The following BRI3BP variants were observed in gnomAD, a reference collection of about 807,000 sequenced individuals.
The protein encoded by BRI3BP is BRI3 binding protein.
BRI3BP carries 7 observed loss-of-function variants against 15.8 expected under a neutral mutation model. That is an observed-to-expected ratio of 0.44 (90% CI 0.25 to 0.83). The LOEUF (loss-of-function observed/expected upper bound fraction) is 0.83, where lower values mean the gene tolerates loss of function less well. Ranked by LOEUF, BRI3BP falls within the 40% of genes least tolerant of loss-of-function variation. The pLI, the probability that BRI3BP is intolerant of heterozygous loss-of-function variation, is 0.20. For missense variants in BRI3BP, 320 were observed against 339.3 expected (o/e 0.94, Z 0.45); for synonymous variants, 192 against 163.5 (o/e 1.17, Z -1.33).
At chr12:125,036,200 G>GCACAC (rs1955439274), downstream of BRI3BP, among the ~76,000 whole-genome samples, 1 of 152,122 alleles carries the variant, frequency 6.6e-6, no homozygotes, top group African/African-American at 2.4e-5. Flanking sequence ...GGGTAGCTGG[G>GCACAC]ATTACAGACA....
the BRI3BP span, among the ~76,000 whole-genome samples, chr12:125,044,444 C>T: frequency 1.4e-4 from 20 of 144,152 alleles, no homozygotes; most frequent in African/African-American, 3.8e-4. Context: ...TCACCATGCC[C>T]GGCCAATTTT....
At chr12:125,038,255 CAAA>C in the BRI3BP span, among the ~76,000 whole-genome samples, 17 of 116,592 alleles carry the variant, frequency 1.5e-4, no homozygotes, top group Admixed American at 3.6e-4. Context: ...CCAGCCATCT[CAAA>C]AAAAAAAAAA....
At chr12:125,017,510 A>G (rs1955258254) in intron 2 of BRI3BP, among the ~76,000 whole-genome samples, 1 of 152,218 alleles carries the variant, frequency 6.6e-6, no homozygotes, top group South Asian at 2.1e-4. Flanking sequence ...AACAACTTAT[A>G]ATTAATAGAA....
the BRI3BP span, among the ~76,000 whole-genome samples, chr12:125,047,695 TTTTA>T: frequency 9.9e-5 from 15 of 151,422 alleles, no homozygotes; most frequent in African/African-American, 3.6e-4. Flanking sequence ...CAGCTTTGAT[TTTTA>T]TTTATTTATT....
At chr12:125,045,036 A>T in the BRI3BP span, among the ~76,000 whole-genome samples, 5 of 152,166 alleles carry the variant, frequency 3.3e-5, no homozygotes, top group African/African-American at 4.8e-5. Flanking sequence ...GTGAATTAAA[A>T]TTTTTTTCTC....
the BRI3BP span, among the ~76,000 whole-genome samples, chr12:125,049,575 A>G: frequency 6.6e-6 from 1 of 152,116 alleles, no homozygotes; most frequent in African/African-American, 2.4e-5. Context: ...GGTGCCAGTC[A>G]GGATATCAAG....
At chr12:125,011,311 T>G (rs1955195149) in intron 1 of BRI3BP, among the ~76,000 whole-genome samples, 1 of 152,116 alleles carries the variant, frequency 6.6e-6, no homozygotes, top group Non-Finnish European at 1.5e-5. Flanking sequence ...TGTCATCAAT[T>G]AGTATCAAGT....
At chr12:125,012,378 A>G (rs1955203851) in intron 1 of BRI3BP, among the ~76,000 whole-genome samples, 156 bp from the exon 2 acceptor site, 2 of 152,184 alleles carry the variant, frequency 1.3e-5, no homozygotes, top group Admixed American at 1.3e-4. Flanking sequence ...ACCCAGTTCA[A>G]GTCAATCCCC....
At position 124,993,992 on chromosome 12, in the gene BRI3BP, G is replaced by A. The variant is rs1594523730; in HGVS notation, c.202G>A (p.Ala68Thr). The A allele has an allele frequency of 2.2e-6, 3 of 1,349,298 alleles. No individual in the cohort carries two copies. Among genetic ancestry groups the A allele is most frequent in the Non-Finnish European group, 1.9e-6 (2 of 1,035,308 alleles). 83.6% of individuals were successfully genotyped at this position (1,349,298 alleles called of 1,614,324 possible). ...SSLFGEDNVR[A>T]AQKFLARLTE... ...CCTGTTCGGCGAGGACAACGTGCGCGCCGCTCAGAAGGTGGGCGCCGGGCC... is the reference window on the plus strand; with the variant it reads ...CCTGTTCGGCGAGGACAACGTGCGCACCGCTCAGAAGGTGGGCGCCGGGCC... Residue 68 changes from alanine to threonine, a missense_variant, in exon 1 of 3, where the codon GCC becomes ACC. Coordinates refer to ENST00000341446, the MANE Select transcript of BRI3BP (RefSeq NM_080626.6).
chr12:125,006,025 G>T (rs1485567313), intron 1 of BRI3BP, among the ~76,000 whole-genome samples: 1 of 152,120 alleles, frequency 6.6e-6, no homozygotes, highest in Non-Finnish European at 1.5e-5. Flanking sequence ...CCCTCTCCCT[G>T]TGTCTTCGAG....
At position 125,030,477 on chromosome 12, in the gene BRI3BP, A is replaced by G. The variant is rs1955398167; in HGVS notation, c.*5047A>G. On this transcript the variant is annotated 3_prime_UTR_variant, in exon 3 of 3. Transcript: ENST00000341446. Reference sequence around the variant, plus strand: ...AGTGTGATGTATAGTATCTGGTGTAAACAAATTTTATTCAGCATATTAAAT... The same window carrying G: ...AGTGTGATGTATAGTATCTGGTGTAGACAAATTTTATTCAGCATATTAAAT... The G allele has an allele frequency of 6.6e-6, 1 of 152,198 alleles. No individual in the cohort carries two copies. The highest frequency in any genetic ancestry group is 6.5e-5 in the Admixed American group (1 of 15,280). 9.4% of individuals were successfully genotyped at this position (152,198 alleles called of 1,614,324 possible).
chr12:125,027,728 A>G lies in BRI3BP; in HGVS notation c.*2298A>G, dbSNP rs1381341216. On this transcript the variant is annotated 3_prime_UTR_variant, in exon 3 of 3. Transcript: ENST00000341446. ...TTTTTGAGATGGAGTCTCACTGTCAACCAGGCTGGAGTGCAGTGGCACCAT... is the reference window on the plus strand; with the variant it reads ...TTTTTGAGATGGAGTCTCACTGTCAGCCAGGCTGGAGTGCAGTGGCACCAT... 1 of 151,904 alleles carries G rather than the reference A, an allele frequency of 6.6e-6. No homozygotes were observed. The highest frequency in any genetic ancestry group is 1.5e-5 in the Non-Finnish European group (1 of 67,984). The allele number at this position is 151,904 out of a possible 1,614,324, so 9.4% of individuals were successfully genotyped here.
At chr12:125,034,756 AT>A (rs1249992846), downstream of BRI3BP, among the ~76,000 whole-genome samples, 2 of 151,792 alleles carry the variant, frequency 1.3e-5, no homozygotes, top group African/African-American at 4.8e-5. Flanking sequence ...CGCCCAGCTA[AT>A]TTTTGTATTT....
chr12:125,001,335 C>A (rs1173663520), intron 1 of BRI3BP, among the ~76,000 whole-genome samples: 1 of 151,766 alleles, frequency 6.6e-6, no homozygotes, highest in Non-Finnish European at 1.5e-5. Flanking sequence ...GGATTACAGG[C>A]ATGAGCCACC....
chr12:125,037,301 A>G, the BRI3BP span, among the ~76,000 whole-genome samples: 1 of 151,994 alleles, frequency 6.6e-6, no homozygotes. Flanking sequence ...CAGGTGATCC[A>G]CCTGCCTTGG....
At chr12:125,050,242 C>G in the BRI3BP span, among the ~76,000 whole-genome samples, 2 of 151,890 alleles carry the variant, frequency 1.3e-5, no homozygotes, top group Admixed American at 6.6e-5. Context: ...CCCAGCTACT[C>G]CAGAGGCTGA....
chr12:125,033,222 A>G (rs998332502), downstream of BRI3BP, among the ~76,000 whole-genome samples: 1 of 152,114 alleles, frequency 6.6e-6, no homozygotes, highest in Non-Finnish European at 1.5e-5. Context: ...TGCCTACTTT[A>G]TCTTGTGTAA....
At chr12:125,001,051 T>A (rs10846798) in intron 1 of BRI3BP, among the ~76,000 whole-genome samples, 11,088 of 152,140 alleles carry the variant, frequency 0.073, 524 homozygotes, top group Admixed American at 0.15. Flanking sequence ...TTATGAATTT[T>A]TTTTTATTTT....
rs1312349835 is a variant in BRI3BP at position 125,012,622 on chromosome 12, T to A, written c.302T>A (p.Val101Asp). The change falls in exon 2 of 3, where the codon GTT becomes GAT. Residue 101 changes from valine to aspartate, a missense_variant. Physicochemically the swap from Val to Asp is radical, Grantham distance 152. Coordinates refer to ENST00000341446, the MANE Select transcript of BRI3BP (RefSeq NM_080626.6). Reference protein sequence around the residue: ...LWKVWTELLDVLGLDVSNLSQ... With the variant: ...LWKVWTELLDDLGLDVSNLSQ... ...AAAGTCTGGACCGAGCTCTTGGATGTTCTTGGACTTGACGGTAGGTGTAGG... is the reference window on the plus strand; with the variant it reads ...AAAGTCTGGACCGAGCTCTTGGATGATCTTGGACTTGACGGTAGGTGTAGG... 2 of 1,605,830 alleles carry A rather than the reference T, an allele frequency of 1.2e-6. No homozygotes were observed. Among genetic ancestry groups the A allele is most frequent in the Non-Finnish European group, 1.7e-6 (2 of 1,172,442 alleles).
Sources: allele counts gnomAD v4.1 joint callset (sites outside exome capture counted in the v4.1 genomes callset), GRCh38; gene constraint gnomAD v4.1.1; transcripts MANE v1.5; gene names NCBI Gene and HGNC (gene_info 2026-07-23, HGNC 2026-07-21).